TOP1: variants seen among roughly 807,000 people sequenced by gnomAD.
The protein encoded by TOP1 is DNA topoisomerase 1.
A neutral mutation model predicts 111.1 loss-of-function variants in TOP1; 10 were observed. The ratio of observed to expected loss-of-function variants is 0.09; its 90% CI spans 0.06 to 0.15. TOP1 has a LOEUF of 0.15. TOP1 is among the 10% of genes least tolerant of loss of function. The pLI is 1.00. For synonymous variants in TOP1, 271 were observed against 302.9 expected (o/e 0.89, Z 1.10); for missense variants, 474 against 926.7 (o/e 0.51, Z 6.34).
intron 2 of TOP1, among the ~76,000 whole-genome samples, chr20:41,054,934 C>T (rs980915978): frequency 1.3e-5 from 2 of 152,096 alleles, no homozygotes; most frequent in Non-Finnish European, 1.5e-5. Context: ...TTTTGTCTGT[C>T]GGAAGCTTCT....
Position 41,067,232 on chromosome 20 carries a change from G to C in TOP1, c.155+5742G>C, listed in dbSNP as rs906228523. On this transcript the variant is annotated intron_variant, in intron 3 of 20. Coordinates refer to ENST00000361337, the MANE Select transcript of TOP1 (RefSeq NM_003286.4). This position sits in a 1 kb window ranked among gnomAD's most constrained non-coding sequence, Gnocchi z 4.0. The stretch of plus-strand genomic sequence containing the variant: ...CCTCCTGGGTTCAAGCGATTCTCCT[G>C]CCTCAGCCTCCCGAGTAGCTGGGAC... Among the ~76,000 whole-genome samples, 8 of 152,094 alleles carry C rather than the reference G, an allele frequency of 5.3e-5. No individual in the cohort carries two copies. Among genetic ancestry groups the C allele is most frequent in the Non-Finnish European group, 8.8e-5 (6 of 68,034 alleles).
chr20:41,034,031 A>T lies in TOP1; in HGVS notation c.58+4576A>T, dbSNP rs2033153849. ...GAATAGTAAAATATATTGGATGTGG[A>T]GGTGAGAGTCAGTTGAGTGAATTTT... is the stretch of plus-strand genomic sequence containing the variant. On this transcript the variant is annotated intron_variant, in intron 2 of 20. Coordinates refer to ENST00000361337, the MANE Select transcript of TOP1 (RefSeq NM_003286.4). This position sits in a 1 kb window ranked among gnomAD's most constrained non-coding sequence, Gnocchi z 4.0. Among the ~76,000 whole-genome samples, 1 of 152,132 alleles carries T rather than the reference A, an allele frequency of 6.6e-6. No individual in the cohort carries two copies. Among genetic ancestry groups the T allele is most frequent in the Non-Finnish European group, 1.5e-5 (1 of 68,012 alleles).
intron 2 of TOP1, among the ~76,000 whole-genome samples, chr20:41,053,259 C>T (rs915010600): frequency 6.6e-6 from 1 of 152,132 alleles, no homozygotes; most frequent in Non-Finnish European, 1.5e-5. Context: ...CTTGCCAACT[C>T]CCTCTTAGCT....
At position 41,115,459 on chromosome 20, in the gene TOP1, A is replaced by G. The variant is rs573037650; in HGVS notation, c.1707+20A>G. ...CTCAATGTGAGTAGATGAAGCACAC[A>G]ATGTTGAAGGGAGTCCCAGCCAGAG... On this transcript the variant is annotated intron_variant, in intron 16 of 20. Transcript: ENST00000361337. The surrounding 1 kb of genome is among the most constrained non-coding windows in gnomAD (Gnocchi z 6.3). The G allele has an allele frequency of 1.9e-5, 30 of 1,596,134 alleles. No individual in the cohort carries two copies. The South Asian group carries it at 3.1e-4, about 16-fold the overall frequency.
At chr20:41,068,464 G>A (rs944874303) in intron 3 of TOP1, among the ~76,000 whole-genome samples, 2 of 152,008 alleles carry the variant, frequency 1.3e-5, no homozygotes, top group African/African-American at 4.8e-5. Context: ...TGGGCGCGGT[G>A]GTGTGATTAT....
chr20:41,075,181 A>C (rs777795465), intron 3 of TOP1, among the ~76,000 whole-genome samples: 3 of 152,018 alleles, frequency 2.0e-5, no homozygotes, highest in Non-Finnish European at 2.9e-5. Context: ...TTAATTAATT[A>C]ATTTTTTTGA....
rs538157480 is a variant in TOP1 at position 41,057,003 on chromosome 20, G to A, written c.59-4391G>A. 4.8e-4 allele frequency among the ~76,000 whole-genome samples: 73 copies of A among 152,264 alleles called. 1 individual carries two copies. Among genetic ancestry groups the A allele is most frequent in the African/African-American group, 1.8e-3 (73 of 41,560 alleles). On this transcript the variant is annotated intron_variant, in intron 2 of 20. Coordinates refer to ENST00000361337, the MANE Select transcript of TOP1 (RefSeq NM_003286.4). Reference sequence around the variant, plus strand: ...TGGCCGGGCGCAGTGGCTCACGCCTGTGATCCCAGCACCAGACTTTGGGAG... The same window carrying A: ...TGGCCGGGCGCAGTGGCTCACGCCTATGATCCCAGCACCAGACTTTGGGAG...
At position 41,122,799 on chromosome 20, in the gene TOP1, C is replaced by T. The variant is rs1448626399; in HGVS notation, c.2196-396C>T. 6.6e-6 allele frequency among the ~76,000 whole-genome samples: 1 copy of T among 152,208 alleles called. No homozygotes were observed. The highest frequency in any genetic ancestry group is 2.4e-5 in the African/African-American group (1 of 41,450). On this transcript the variant is annotated intron_variant, in intron 20 of 20. Transcript: ENST00000361337. This position sits in a 1 kb window ranked among gnomAD's most constrained non-coding sequence, Gnocchi z 5.4. ...TCTAGGTCTTTTGTACCTCTTTCTG[C>T]TCGTTTTGCCTTGTTTGGTGCTAGA... is the stretch of plus-strand genomic sequence containing the variant.
chr20:41,080,205 C>A lies in TOP1; in HGVS notation c.431+25C>A. The A allele has an allele frequency of 7.1e-7, 1 of 1,399,572 alleles. No individual in the cohort carries two copies. The highest frequency in any genetic ancestry group is 9.9e-7 in the Non-Finnish European group (1 of 1,006,462). 86.7% of individuals were successfully genotyped at this position (1,399,572 alleles called of 1,614,324 possible). A position where few individuals can be genotyped will look rare whatever the true frequency, so the allele number is the denominator to read the frequency against. On this transcript the variant is annotated intron_variant, in intron 6 of 20. Transcript: ENST00000361337. This position sits in a 1 kb window ranked among gnomAD's most constrained non-coding sequence, Gnocchi z 5.0. ...AGTGAGTATTTTCTTAAAACTTTGA[C>A]TTTTGAAAACAAAAAGGAGGAGTTT... is the stretch of plus-strand genomic sequence containing the variant.
rs2033798703 is a variant in TOP1, at chr20:41,082,388, C to T, written c.507+1148C>T. Among the ~76,000 whole-genome samples the T allele has an allele frequency of 6.6e-6, 1 of 152,190 alleles. No homozygotes were observed. On this transcript the variant is annotated intron_variant, in intron 7 of 20. Transcript: ENST00000361337. The surrounding 1 kb of genome is among the most constrained non-coding windows in gnomAD (Gnocchi z 4.1). ...GTTGTTACATCCCTATTATCATCTC[C>T]ATTTTGCAGATGCAGAAATAGAGTA...
Position 41,115,305 on chromosome 20 carries a change from T to TG in TOP1, c.1639-62dup, listed in dbSNP as rs2034311822. On this transcript the variant is annotated intron_variant, in intron 15 of 20. Coordinates refer to ENST00000361337, the MANE Select transcript of TOP1 (RefSeq NM_003286.4). The surrounding 1 kb of genome is among the most constrained non-coding windows in gnomAD (Gnocchi z 6.3). The stretch of plus-strand genomic sequence containing the variant: ...TTTTCTTTGCAAGTTTCTTTAAGTT[T>TG]GGGGTTATTTCTAAAGTTAGGATTT... The TG allele has an allele frequency of 8.9e-7, 1 of 1,129,440 alleles. No individual in the cohort carries two copies. The allele number at this position is 1,129,440 out of a possible 1,614,324, so 70.0% of individuals were successfully genotyped here.
intron 3 of TOP1, among the ~76,000 whole-genome samples, chr20:41,066,122 A>G (rs1017137265): frequency 1.2e-4 from 18 of 152,240 alleles, no homozygotes; most frequent in Non-Finnish European, 2.5e-4. Context: ...TATTTAAAAC[A>G]TAAGCTTTTG....
chr20:41,101,080 A>C lies in TOP1; in HGVS notation c.1164-129A>C. The C allele has an allele frequency of 3.6e-6, 3 of 837,370 alleles. No individual in the cohort carries two copies. The highest frequency in any genetic ancestry group is 5.7e-6 in the Non-Finnish European group (3 of 528,560). The allele number at this position is 837,370 out of a possible 1,614,324, so 51.9% of individuals were successfully genotyped here. On this transcript the variant is annotated intron_variant, in intron 12 of 20. Coordinates refer to ENST00000361337, the MANE Select transcript of TOP1 (RefSeq NM_003286.4). The surrounding 1 kb of genome is among the most constrained non-coding windows in gnomAD (Gnocchi z 4.1). ...TAAGTAAAACCATGCATAAGGTGGGACTACTGTATTGACTGTTAAGAAGGA... is the reference window on the plus strand; with the variant it reads ...TAAGTAAAACCATGCATAAGGTGGGCCTACTGTATTGACTGTTAAGAAGGA...
At position 41,101,236 on chromosome 20, in the gene TOP1, A is replaced by G. The variant is rs1183081567; in HGVS notation, c.1191A>G (p.Pro397=). 6.2e-7 allele frequency: 1 copy of G among 1,614,100 alleles called. No individual in the cohort carries two copies. The highest frequency in any genetic ancestry group is 1.1e-5 in the South Asian group (1 of 91,084). Residue 397 remains proline (P), a synonymous_variant, in exon 13 of 21, where the codon CCA becomes CCG. Coordinates refer to ENST00000361337, the MANE Select transcript of TOP1 (RefSeq NM_003286.4). This position sits in a 1 kb window ranked among gnomAD's most constrained non-coding sequence, Gnocchi z 4.1. ...ATGCCAAGGTTCCTTCTCCTCCTCC[A>G]GGACATAAGTGGAAAGAAGTCCGGC... ...SKDAKVPSPP[P]GHKWKEVRHD... is the part of the protein sequence containing the mutation.
intron 9 of TOP1, among the ~76,000 whole-genome samples, chr20:41,093,250 A>C (rs1420843394): frequency 1.3e-5 from 2 of 152,184 alleles, no homozygotes; most frequent in Non-Finnish European, 2.9e-5. Context: ...TCCTGTTGGC[A>C]GTGTAGCAGT....
At chr20:41,081,381 C>A in intron 7 of TOP1, 141 bp downstream of exon 7, 1 of 994,232 alleles carries the variant, frequency 1.0e-6, no homozygotes, top group Non-Finnish European at 1.4e-6. Flanking sequence ...TAAGTGGTGG[C>A]TGTGGCACTG....
At chr20:41,076,453 CTA>C (rs574173537) in intron 4 of TOP1, among the ~76,000 whole-genome samples, 159 bp downstream of exon 4, 9 of 152,232 alleles carry the variant, frequency 5.9e-5, no homozygotes, top group Non-Finnish European at 1.2e-4. Flanking sequence ...ACTATAAAAA[CTA>C]AGCCTTTTAC....
intron 11 of TOP1, among the ~76,000 whole-genome samples, chr20:41,099,294 T>G (rs544236751): frequency 7.4e-4 from 112 of 152,288 alleles, no homozygotes; most frequent in Non-Finnish European, 1.3e-3. Flanking sequence ...TTAGTGAAAT[T>G]TAGTATATTA....
chr20:41,064,379 C>CT (rs1244009061), intron 3 of TOP1, among the ~76,000 whole-genome samples: 2 of 152,202 alleles, frequency 1.3e-5, no homozygotes, highest in African/African-American at 2.4e-5. Flanking sequence ...ATAGCTCATA[C>CT]TTTGGACCCC....
Sources: allele counts gnomAD v4.1 joint callset (sites outside exome capture counted in the v4.1 genomes callset), GRCh38; gene constraint gnomAD v4.1.1; non-coding constraint Gnocchi (gnomAD v3.1); transcripts MANE v1.5; gene names NCBI Gene and HGNC (gene_info 2026-07-23, HGNC 2026-07-21).